Variants in EFR3B observed in about 807,000 individuals in gnomAD.
EFR3B encodes EFR3 homolog B.
A neutral mutation model predicts 104.7 loss-of-function variants in EFR3B; 64 were observed. That is an observed-to-expected ratio of 0.61 (90% CI 0.50 to 0.75). EFR3B has a LOEUF of 0.75. Ranked by LOEUF, EFR3B falls within the 30% of genes least tolerant of loss-of-function variation. The probability of loss-of-function intolerance (pLI) is 0.00; values close to 1 mark genes in which losing one functional copy is unlikely to be tolerated. For synonymous variants in EFR3B, 385 were observed against 417.9 expected (o/e 0.92, Z 0.96); for missense variants, 750 against 1,078.5 (o/e 0.70, Z 4.27).
At position 25,156,759 on chromosome 2, in the gene EFR3B, C is replaced by G. The variant is rs540597740; in HGVS notation, c.*2419C>G. ...TCTTTAGTATTTATATATTTAAAAA[C>G]CAAGTTTAAATTAACTCAAACTTGA... On this transcript the variant is annotated 3_prime_UTR_variant, in exon 23 of 23. Coordinates refer to ENST00000403714, the MANE Select transcript of EFR3B (RefSeq NM_014971.2). 6.6e-6 allele frequency: 1 copy of G among 152,172 alleles called. No individual in the cohort carries two copies. The highest frequency in any genetic ancestry group is 1.5e-5 in the Non-Finnish European group (1 of 68,010). 9.4% of individuals were successfully genotyped at this position (152,172 alleles called of 1,614,324 possible).
chr2:25,068,434 A>T (rs1668395568), intron 1 of EFR3B, among the ~76,000 whole-genome samples: 1 of 152,124 alleles, frequency 6.6e-6, no homozygotes, highest in South Asian at 2.1e-4. Flanking sequence ...CTTGAGGAAG[A>T]TCGGGAAGGC....
chr2:25,103,735 C>T lies in EFR3B; in HGVS notation c.311C>T (p.Ala104Val). ...GTGGAGAGCTTCCTCAAGATGGTGGCCAAGCTGCTGGAGTCAGAGAAACCC... is the reference window on the plus strand; with the variant it reads ...GTGGAGAGCTTCCTCAAGATGGTGGTCAAGCTGCTGGAGTCAGAGAAACCC... The part of the protein sequence containing the change: ...LFVESFLKMV[A>V]KLLESEKPNL... The change falls in exon 4 of 23, where the codon GCC (alanine) becomes GTC (valine). Residue 104 changes from alanine (A) to valine (V), a missense_variant. Physicochemically the swap from Ala to Val is moderately conservative, Grantham distance 64. Transcript: ENST00000403714. The T allele has an allele frequency of 6.4e-7, 1 of 1,551,708 alleles. No homozygotes were observed.
chr2:25,153,104 A>G (rs1304094720), intron 21 of EFR3B, among the ~76,000 whole-genome samples: 1 of 152,208 alleles, frequency 6.6e-6, no homozygotes, highest in Non-Finnish European at 1.5e-5. Flanking sequence ...CTGTACTCCC[A>G]GCACTTTGGG....
intron 3 of EFR3B, among the ~76,000 whole-genome samples, chr2:25,103,042 A>G (rs1669466454): frequency 2.0e-5 from 3 of 152,194 alleles, no homozygotes; most frequent in South Asian, 2.1e-4. Context: ...CAGATTCTTC[A>G]TAAAGATCTT....
At chr2:25,058,094 T>TG (rs1390744476) in intron 1 of EFR3B, 1 of 152,204 alleles carries the variant, frequency 6.6e-6, no homozygotes, top group Non-Finnish European at 1.5e-5. Context: ...GGATGATCAC[T>TG]GGAGCCCAGG....
At position 25,145,139 on chromosome 2, in the gene EFR3B, T is replaced by C. The variant is rs187331238; in HGVS notation, c.2142+88T>C. ...AGGCTCCCCTGCCTGCATAGTGGGCTTAAGGCTGCATGGAAAGCAAGTTTC... is the reference window on the plus strand; with the variant it reads ...AGGCTCCCCTGCCTGCATAGTGGGCCTAAGGCTGCATGGAAAGCAAGTTTC... On this transcript the variant is annotated intron_variant, in intron 19 of 22. Transcript: ENST00000403714. 13 of 1,186,104 alleles carry C rather than the reference T, an allele frequency of 1.1e-5. 1 individual carries two copies. The Middle Eastern group carries it at 6.1e-4, about 55-fold the overall frequency. The allele number at this position is 1,186,104 out of a possible 1,614,324, so 73.5% of individuals were successfully genotyped here.
At chr2:25,058,761 C>T (rs989026129) in intron 1 of EFR3B, among the ~76,000 whole-genome samples, 17 of 131,486 alleles carry the variant, frequency 1.3e-4, no homozygotes, top group East Asian at 6.2e-4. Flanking sequence ...TCTGTCTCCC[C>T]GCGCCCCCCC....
rs1164991765 is a variant in EFR3B at position 25,132,967 on chromosome 2, G to A, written c.1212G>A (p.Lys404=). 6.4e-7 allele frequency: 1 copy of A among 1,551,534 alleles called. No homozygotes were observed. Among genetic ancestry groups the A allele is most frequent in the Non-Finnish European group, 8.7e-7 (1 of 1,146,978 alleles). ...AGGTGATCCTCTTCATCATGAGCAA[G>A]GTCCCGCGGCCATCCCTGCACCAGG... The part of the protein sequence containing the change: ...RSEVILFIMS[K]VPRPSLHQAV... Residue 404 remains lysine (K), a synonymous_variant, in exon 11 of 23, where the codon AAG becomes AAA. Coordinates refer to ENST00000403714, the MANE Select transcript of EFR3B (RefSeq NM_014971.2).
At chr2:25,053,887 A>C (rs1319443076) in intron 1 of EFR3B, among the ~76,000 whole-genome samples, 3 of 152,214 alleles carry the variant, frequency 2.0e-5, no homozygotes, top group African/African-American at 4.8e-5. Context: ...AGCCTGGGCG[A>C]CAGAGCGAGA....
chr2:25,051,166 C>T (rs948487003), intron 1 of EFR3B, among the ~76,000 whole-genome samples: 11 of 152,146 alleles, frequency 7.2e-5, no homozygotes, highest in Admixed American at 3.3e-4. Context: ...GGCTGGAGTG[C>T]AGTGGCATGA....
At chr2:25,050,102 C>T (rs1667825996) in intron 1 of EFR3B, among the ~76,000 whole-genome samples, 2 of 151,098 alleles carry the variant, frequency 1.3e-5, no homozygotes, top group African/African-American at 4.9e-5. Flanking sequence ...TGCACACCAG[C>T]CTGGGCAACA....
intron 4 of EFR3B, among the ~76,000 whole-genome samples, chr2:25,118,695 G>A (rs190164297): frequency 8.7e-6 from 1 of 114,836 alleles, no homozygotes; most frequent in Non-Finnish European, 1.6e-5. Flanking sequence ...TTTGAGACCA[G>A]CCTGGACAAC....
At chr2:25,046,289 G>A (rs1667714463) in intron 1 of EFR3B, among the ~76,000 whole-genome samples, 1 of 151,870 alleles carries the variant, frequency 6.6e-6, no homozygotes, top group South Asian at 2.1e-4. Flanking sequence ...GGAGGCTGAG[G>A]CAGGAGAATT....
At chr2:25,100,658 A>G (rs975617370) in intron 3 of EFR3B, among the ~76,000 whole-genome samples, 8 of 152,062 alleles carry the variant, frequency 5.3e-5, no homozygotes, top group Non-Finnish European at 7.4e-5. Context: ...GCGCCTGGCT[A>G]ATTTTTGGTA....
chr2:25,144,130 A>G (rs1046273949), intron 18 of EFR3B, among the ~76,000 whole-genome samples: 2 of 152,262 alleles, frequency 1.3e-5, no homozygotes, highest in Non-Finnish European at 2.9e-5. Flanking sequence ...AAGAGCATAT[A>G]TGGCTATGGA....
At chr2:25,151,832 C>T in intron 20 of EFR3B, 82 bp from the exon 21 acceptor site, 2 of 1,463,342 alleles carry the variant, frequency 1.4e-6, no homozygotes, top group Non-Finnish European at 1.9e-6. Context: ...AAGCAATGCT[C>T]ATGGACAGTG....
Position 25,137,284 on chromosome 2 carries a change from T to G in EFR3B, c.1561-57T>G. ...AGATTGGTCTTCCTCCGTGTTCTCC[T>G]TGCCCCTCCTGTCCCCATCCCTCCG... On this transcript the variant is annotated intron_variant, in intron 14 of 22. Transcript: ENST00000403714. The surrounding 1 kb of genome is among the most constrained non-coding windows in gnomAD (Gnocchi z 4.7). The G allele has an allele frequency of 6.5e-7, 1 of 1,538,546 alleles. No individual in the cohort carries two copies. The highest frequency in any genetic ancestry group is 1.2e-5 in the South Asian group (1 of 82,064).
chr2:25,142,722 G>A (rs1289546019), intron 17 of EFR3B, among the ~76,000 whole-genome samples: 2 of 151,900 alleles, frequency 1.3e-5, no homozygotes, highest in African/African-American at 2.4e-5. Flanking sequence ...TCATGTCACT[G>A]CACTCCAGCC....
chr2:25,074,695 G>A (rs1214116127), intron 1 of EFR3B, among the ~76,000 whole-genome samples: 1 of 147,760 alleles, frequency 6.8e-6, no homozygotes, highest in Non-Finnish European at 1.5e-5. Context: ...TCGGCTCACT[G>A]CAACCTCCGT....
Sources: allele counts gnomAD v4.1 joint callset (sites outside exome capture counted in the v4.1 genomes callset), GRCh38; gene constraint gnomAD v4.1.1; non-coding constraint Gnocchi (gnomAD v3.1); transcripts MANE v1.5; gene names NCBI Gene and HGNC (gene_info 2026-07-23, HGNC 2026-07-21).